Variants in B3GALT1 observed in about 807,000 individuals in gnomAD.
B3GALT1 encodes the protein beta-1,3-galactosyltransferase 1, also known as UDP-Gal:betaGlcNAc beta 1,3-galactosyltransferase, polypeptide 1.
B3GALT1 carries 10 observed loss-of-function variants against 23.2 expected under a neutral mutation model. The observed-to-expected ratio is 0.43, with a 90% CI of 0.27 to 0.73. The LOEUF (loss-of-function observed/expected upper bound fraction) is 0.73, where lower values mean the gene tolerates loss of function less well. Ranked by LOEUF, B3GALT1 falls within the 30% of genes least tolerant of loss-of-function variation. The probability of loss-of-function intolerance (pLI) is 0.21; values close to 1 mark genes in which losing one functional copy is unlikely to be tolerated. For missense variants in B3GALT1, 299 were observed against 405.4 expected (o/e 0.74, Z 2.25); for synonymous variants, 156 against 141.5 (o/e 1.10, Z -0.73).
chr2:167,630,173 A>G (rs1331035784), intron 2 of B3GALT1, among the ~76,000 whole-genome samples: 1 of 151,786 alleles, frequency 6.6e-6, no homozygotes, highest in Non-Finnish European at 1.5e-5. Context: ...ATGAGATTAG[A>G]TACACAAAAT....
chr2:167,808,115 G>C (rs976859199), intron 3 of B3GALT1, among the ~76,000 whole-genome samples: 2 of 140,390 alleles, frequency 1.4e-5, no homozygotes, highest in Non-Finnish European at 1.6e-5. Flanking sequence ...TCAGAGACTA[G>C]GATTGCAACC....
chr2:167,611,698 A>G (rs188737809), intron 2 of B3GALT1, among the ~76,000 whole-genome samples: 37 of 152,014 alleles, frequency 2.4e-4, no homozygotes, highest in African/African-American at 8.0e-4. Flanking sequence ...AAGGAAGAGC[A>G]GCGCCTTGGG....
At chr2:167,572,036 A>G (rs948102533) in intron 2 of B3GALT1, among the ~76,000 whole-genome samples, 5 of 151,850 alleles carry the variant, frequency 3.3e-5, no homozygotes, top group South Asian at 2.1e-4. Flanking sequence ...TATTGATGCA[A>G]TGTTAAATCA....
intron 4 of B3GALT1, among the ~76,000 whole-genome samples, chr2:167,819,474 C>A (rs1381091027): frequency 6.6e-6 from 1 of 152,108 alleles, no homozygotes; most frequent in Non-Finnish European, 1.5e-5. Flanking sequence ...CTAAATGGCA[C>A]ATTAAATAAA....
intron 3 of B3GALT1, among the ~76,000 whole-genome samples, chr2:167,791,113 T>C (rs756471114): frequency 2.6e-5 from 4 of 152,098 alleles, no homozygotes; most frequent in Admixed American, 6.6e-5. Context: ...GGTCTAAGTG[T>C]TTTATAAACA....
At chr2:167,442,170 A>G (rs1023873267) in intron 1 of B3GALT1, among the ~76,000 whole-genome samples, 5 of 151,802 alleles carry the variant, frequency 3.3e-5, no homozygotes, top group African/African-American at 7.3e-5. Context: ...GAGAATGATG[A>G]TTTCCAATTT....
chr2:167,415,416 AT>A (rs1698453837), intron 1 of B3GALT1, among the ~76,000 whole-genome samples: 1 of 152,082 alleles, frequency 6.6e-6, no homozygotes, highest in African/African-American at 2.4e-5. Context: ...GGAGAAGTAA[AT>A]TTCTTTTATT....
At chr2:167,820,848 A>G (rs1689090745) in intron 4 of B3GALT1, among the ~76,000 whole-genome samples, 1 of 152,364 alleles carries the variant, frequency 6.6e-6, no homozygotes, top group Admixed American at 6.5e-5. Flanking sequence ...TTCTCCTTCT[A>G]CTACAGGCTG....
At chr2:167,592,872 G>A (rs1684708374) in intron 2 of B3GALT1, among the ~76,000 whole-genome samples, 1 of 152,054 alleles carries the variant, frequency 6.6e-6, no homozygotes, top group African/African-American at 2.4e-5. Context: ...TACTGCAAAG[G>A]ATCAGAACAG....
chr2:167,296,270 T>A (rs1190062013), intron 1 of B3GALT1, among the ~76,000 whole-genome samples: 1 of 152,180 alleles, frequency 6.6e-6, no homozygotes, highest in Admixed American at 6.5e-5. Flanking sequence ...GATACAATTA[T>A]TTTATGAAAT....
intron 3 of B3GALT1, among the ~76,000 whole-genome samples, chr2:167,711,701 A>G (rs1687050419): frequency 6.6e-6 from 1 of 152,340 alleles, no homozygotes; most frequent in South Asian, 2.1e-4. Context: ...GTGGTGACTC[A>G]TGCATGTAAT....
intron 3 of B3GALT1, among the ~76,000 whole-genome samples, chr2:167,801,300 A>T (rs1688634399): frequency 6.6e-6 from 1 of 152,230 alleles, no homozygotes; most frequent in Admixed American, 6.5e-5. Flanking sequence ...TGAATAAGAG[A>T]AATCATTGTA....
At chr2:167,491,204 A>G (rs747609204) in intron 2 of B3GALT1, among the ~76,000 whole-genome samples, 2 of 152,192 alleles carry the variant, frequency 1.3e-5, no homozygotes, top group Non-Finnish European at 2.9e-5. Context: ...TTAAGTGCTC[A>G]GCAGGTTCTG....
chr2:167,669,349 G>A (rs1686278530), intron 3 of B3GALT1, among the ~76,000 whole-genome samples: 1 of 152,156 alleles, frequency 6.6e-6, no homozygotes, highest in South Asian at 2.1e-4. Flanking sequence ...ATTCAAATAA[G>A]TTCTTGAAGT....
chr2:167,793,293 A>G (rs1032227821), intron 3 of B3GALT1, among the ~76,000 whole-genome samples: 4 of 152,014 alleles, frequency 2.6e-5, no homozygotes, highest in African/African-American at 9.7e-5. Context: ...CCAGAATCTC[A>G]CAGCAGATCT....
intron 2 of B3GALT1, among the ~76,000 whole-genome samples, chr2:167,533,895 T>C (rs750720116): frequency 3.9e-4 from 60 of 152,332 alleles, no homozygotes; most frequent in Middle Eastern, 6.8e-3. Context: ...CTTTGAATTG[T>C]TTAGACAGGT....
chr2:167,483,536 A>G (rs1425218339), intron 1 of B3GALT1, among the ~76,000 whole-genome samples: 1 of 152,228 alleles, frequency 6.6e-6, no homozygotes, highest in Admixed American at 6.5e-5. Context: ...TTAATATAGA[A>G]TTCAAATTAA....
At chr2:167,867,030 C>T (rs907814862) in intron 4 of B3GALT1, among the ~76,000 whole-genome samples, 4 of 151,918 alleles carry the variant, frequency 2.6e-5, no homozygotes, top group Admixed American at 2.6e-4. Context: ...GGATTCAGGC[C>T]ATTCTCCTGC....
At chr2:167,749,868 A>G (rs1190400532) in intron 3 of B3GALT1, among the ~76,000 whole-genome samples, 1 of 152,200 alleles carries the variant, frequency 6.6e-6, no homozygotes, top group African/African-American at 2.4e-5. Context: ...CTGAGTCATG[A>G]TCTTTCTCTT....
Sources: allele counts gnomAD v4.1 joint callset (sites outside exome capture counted in the v4.1 genomes callset), GRCh38; gene constraint gnomAD v4.1.1; transcripts MANE v1.5; gene names NCBI Gene and HGNC (gene_info 2026-07-23, HGNC 2026-07-21).